ACYP2: variants seen among roughly 807,000 people sequenced by gnomAD.
ACYP2 encodes the protein acylphosphatase-2.
Under a neutral mutation model 11.2 loss-of-function variants are expected in ACYP2, and 12 were observed. That is an observed-to-expected ratio of 1.08 (90% CI 0.69 to 1.74). The LOEUF is 1.74. ACYP2 is among the 40% of genes most tolerant of loss of function. The probability of loss-of-function intolerance (pLI) is 0.00; values close to 1 mark genes in which losing one functional copy is unlikely to be tolerated. For missense variants in ACYP2, 134 were observed against 101.9 expected (o/e 1.31, Z -1.35); for synonymous variants, 43 against 32.2 (o/e 1.33, Z -1.13).
chr2:54,255,679 A>C, intron 6 of ACYP2: 1 of 1,613,906 alleles, frequency 6.2e-7, no homozygotes, highest in South Asian at 1.1e-5. Flanking sequence ...TGGGGCTGAG[A>C]ACATGGCACA....
chr2:54,097,965 CTTTTT>C (rs527656550), intron 4 of ACYP2, among the ~76,000 whole-genome samples: 1 of 117,226 alleles, frequency 8.5e-6, no homozygotes. Context: ...TCCTTCCTTC[CTTTTT>C]TTTTTTTTTT....
Position 54,304,858 on chromosome 2 carries a change from A to T in ACYP2, c.*56A>T, listed in dbSNP as rs915447177. ...ATAGATACTGTATGTTCTTAAGACTATGTATACTAGAATAATAGTAGCAGA... is the reference window on the plus strand; with the variant it reads ...ATAGATACTGTATGTTCTTAAGACTTTGTATACTAGAATAATAGTAGCAGA... On this transcript the variant is annotated 3_prime_UTR_variant, in exon 7 of 7. Transcript: ENST00000607452. The T allele has an allele frequency of 5.3e-6, 5 of 942,322 alleles. No homozygotes were observed. Among genetic ancestry groups the T allele is most frequent in the East Asian group, 2.8e-5 (1 of 35,116 alleles). The allele number at this position is 942,322 out of a possible 1,614,324, so 58.4% of individuals were successfully genotyped here.
In ACYP2 at chr2:54,135,355, G is replaced by A. The variant is rs578057530; in HGVS notation, c.278-98G>A. ...TGAAACTGCAGAAGGTGAAACCAAG[G>A]ATAAATGGGGACCACCTAGATAAAA... is the stretch of plus-strand genomic sequence containing the variant. On this transcript the variant is annotated intron_variant, in intron 4 of 6. Transcript: ENST00000607452. 64 of 1,107,252 alleles carry A rather than the reference G, an allele frequency of 5.8e-5. 1 individual carries two copies. The highest frequency in any genetic ancestry group is 2.0e-4 in the Middle Eastern group (1 of 4,890). The allele number at this position is 1,107,252 out of a possible 1,614,324, so 68.6% of individuals were successfully genotyped here.
At chr2:54,177,452 T>G (rs1035204785) in intron 6 of ACYP2, among the ~76,000 whole-genome samples, 3 of 152,178 alleles carry the variant, frequency 2.0e-5, no homozygotes, top group African/African-American at 7.2e-5. Context: ...CTGCCAGCCC[T>G]GGGGTGCTTC....
chr2:54,182,508 T>C (rs938490528), intron 6 of ACYP2, among the ~76,000 whole-genome samples: 1 of 152,138 alleles, frequency 6.6e-6, no homozygotes, highest in African/African-American at 2.4e-5. Flanking sequence ...CGCCCAGCTA[T>C]TTTTTCTATT....
chr2:54,147,039 G>T (rs1298894888), intron 6 of ACYP2, among the ~76,000 whole-genome samples: 1 of 151,964 alleles, frequency 6.6e-6, no homozygotes, highest in Non-Finnish European at 1.5e-5. Flanking sequence ...CAGGTGATCT[G>T]CCAGCCTCAG....
At chr2:54,013,884 G>A (rs1172171604) in intron 2 of ACYP2, among the ~76,000 whole-genome samples, 5 of 152,146 alleles carry the variant, frequency 3.3e-5, no homozygotes, top group African/African-American at 1.2e-4. Flanking sequence ...GAGGCTGGGT[G>A]TGGTGGCTCA....
intron 4 of ACYP2, among the ~76,000 whole-genome samples, chr2:54,100,603 C>T (rs1222785423): frequency 6.6e-6 from 1 of 151,910 alleles, no homozygotes; most frequent in African/African-American, 2.4e-5. Context: ...GTCACCACAC[C>T]CACCCGAGAT....
intron 4 of ACYP2, among the ~76,000 whole-genome samples, chr2:54,097,630 C>T (rs1678661680): frequency 1.3e-5 from 2 of 151,824 alleles, no homozygotes; most frequent in Non-Finnish European, 2.9e-5. Context: ...GAATCTATTA[C>T]ACAGCTTCCA....
intron 2 of ACYP2, among the ~76,000 whole-genome samples, chr2:54,029,041 G>T (rs962935743): frequency 6.6e-6 from 1 of 152,076 alleles, no homozygotes; most frequent in South Asian, 2.1e-4. Flanking sequence ...GGTGTTGCCT[G>T]TGGTCCCCAG....
intron 6 of ACYP2, among the ~76,000 whole-genome samples, chr2:54,141,664 C>T (rs1681608172): frequency 6.6e-6 from 1 of 152,094 alleles, no homozygotes. Context: ...ATACTATCTC[C>T]ACAGTATATT....
rs867409742 is a variant in ACYP2 at position 53,971,125 on chromosome 2, T to G, written c.-233T>G. On this transcript the variant is annotated 5_prime_UTR_variant, in exon 1 of 7. Coordinates refer to ENST00000607452, the MANE Select transcript of ACYP2 (RefSeq NM_001320586.2). The stretch of plus-strand genomic sequence containing the variant: ...CGGGGGAGGCGGTGGTGGCGGCAGC[T>G]GGAGCCCAACGGGCTGCGCCTTCTT... 21 of 215,824 alleles carry G rather than the reference T, an allele frequency of 9.7e-5. No individual in the cohort carries two copies. The highest frequency in any genetic ancestry group is 1.3e-4 in the Non-Finnish European group (14 of 110,244). 13.4% of individuals were successfully genotyped at this position (215,824 alleles called of 1,614,324 possible). A position where few individuals can be genotyped will look rare whatever the true frequency, so the allele number is the denominator to read the frequency against.
chr2:54,014,122 C>T (rs1258787977), intron 2 of ACYP2, among the ~76,000 whole-genome samples: 1 of 151,574 alleles, frequency 6.6e-6, no homozygotes, highest in African/African-American at 2.4e-5. Context: ...CGCACTGTTG[C>T]ACTCCAGCCT....
chr2:54,138,342 G>A (rs1293729493), intron 5 of ACYP2, among the ~76,000 whole-genome samples: 1 of 152,106 alleles, frequency 6.6e-6, no homozygotes, highest in Non-Finnish European at 1.5e-5. Context: ...TAAATTTTAT[G>A]TATCCAAAAA....
chr2:54,131,862 C>G (rs190538209), intron 4 of ACYP2, among the ~76,000 whole-genome samples: 59 of 152,290 alleles, frequency 3.9e-4, no homozygotes, highest in African/African-American at 1.3e-3. Flanking sequence ...AAACAGATTA[C>G]TGGGCTCCAC....
In ACYP2 at chr2:53,994,243, T is replaced by G. The variant is rs1193938576; in HGVS notation, c.62+20433T>G. 5.1e-5 allele frequency among the ~76,000 whole-genome samples: 7 copies of G among 136,578 alleles called. No homozygotes were observed. The Admixed American group carries it at 6.1e-4, about 12-fold the overall frequency. 89.6% of individuals were successfully genotyped at this position (136,578 alleles called of 152,430 possible). On this transcript the variant is annotated intron_variant, in intron 2 of 6. Transcript: ENST00000607452. ...TACTCGGAAGGCTGAGGCAGGAGAA[T>G]GGCCTGAACCCAGGAGGCGGAGCTT...
chr2:54,080,690 T>C (rs907253867), intron 4 of ACYP2, among the ~76,000 whole-genome samples: 1 of 152,146 alleles, frequency 6.6e-6, no homozygotes, highest in African/African-American at 2.4e-5. Context: ...AGTTTCACCA[T>C]GTTGACCAGG....
At chr2:54,237,384 G>A (rs1260226221) in intron 6 of ACYP2, among the ~76,000 whole-genome samples, 1 of 152,002 alleles carries the variant, frequency 6.6e-6, no homozygotes, top group Non-Finnish European at 1.5e-5. Context: ...TGTTCTTTAT[G>A]CCTTCCTGCA....
chr2:53,977,237 C>T (rs1323542753), intron 2 of ACYP2, among the ~76,000 whole-genome samples: 3 of 151,982 alleles, frequency 2.0e-5, no homozygotes, highest in East Asian at 3.9e-4. Flanking sequence ...TTAGTAGAGA[C>T]GGGGTTTCAC....
Sources: allele counts gnomAD v4.1 joint callset (sites outside exome capture counted in the v4.1 genomes callset), GRCh38; gene constraint gnomAD v4.1.1; transcripts MANE v1.5; gene names NCBI Gene and HGNC (gene_info 2026-07-23, HGNC 2026-07-21).